ANK1: variants seen among roughly 807,000 people sequenced by gnomAD.
ANK1 encodes the protein ankyrin 1.
Under a neutral mutation model 210.4 loss-of-function variants are expected in ANK1, and 51 were observed. The observed-to-expected ratio is 0.24, with a 90% confidence interval of 0.19 to 0.31. ANK1 has a LOEUF of 0.31. ANK1 is among the 10% of genes least tolerant of loss of function. ANK1 has a pLI of 1.00. For missense variants in ANK1, 2,051 were observed against 2,504.4 expected, an observed-to-expected ratio of 0.82 and a Z score of 3.86; for synonymous variants, 967 against 1,025.9, an observed-to-expected ratio of 0.94 and a Z score of 1.10.
chr8:41,866,762 C>T (rs1174998124), intron 1 of ANK1, among the ~76,000 whole-genome samples: 2 of 152,180 alleles, frequency 1.3e-5, no homozygotes, highest in African/African-American at 4.8e-5. Context: ...CAAGGTTCAC[C>T]CATGTGGCAG....
At chr8:41,688,028 C>A in intron 35 of ANK1, 128 bp downstream of exon 35, 3 of 1,195,522 alleles carry the variant, frequency 2.5e-6, no homozygotes, top group Non-Finnish European at 1.2e-6. Context: ...CCAGCTCAGA[C>A]AATCACAAAT....
intron 24 of ANK1, chr8:41,697,594 G>C: frequency 3.0e-6 from 1 of 332,040 alleles, no homozygotes; most frequent in South Asian, 2.5e-5. Flanking sequence ...GTGCTAACTG[G>C]GTTCATGCGT....
At chr8:41,710,867 G>A (rs374882133) in intron 16 of ANK1, among the ~76,000 whole-genome samples, 4 of 152,256 alleles carry the variant, frequency 2.6e-5, no homozygotes, top group African/African-American at 9.6e-5. Flanking sequence ...CCTGGGTACA[G>A]GGAAAGCTCA....
chr8:41,816,727 G>T (rs1482872961), intron 1 of ANK1, among the ~76,000 whole-genome samples: 2 of 152,190 alleles, frequency 1.3e-5, no homozygotes, highest in Admixed American at 6.5e-5. Context: ...ACCAGGTCTG[G>T]CCAATAATAT....
intron 37 of ANK1, among the ~76,000 whole-genome samples, chr8:41,677,465 C>T (rs150596789): frequency 7.7e-4 from 117 of 152,092 alleles, no homozygotes; most frequent in African/African-American, 2.5e-3. Flanking sequence ...TTTGAAGTTA[C>T]GTGTGCTAGG....
At chr8:41,703,968 G>A (rs1586265244) in intron 20 of ANK1, 73 bp downstream of exon 20, 7 of 1,392,660 alleles carry the variant, frequency 5.0e-6, no homozygotes, top group East Asian at 2.3e-5. Context: ...TAACCTCTAC[G>A]GTTAGGGGAG....
At chr8:41,743,181 G>C (rs1723002489) in intron 2 of ANK1, among the ~76,000 whole-genome samples, 1 of 152,042 alleles carries the variant, frequency 6.6e-6, no homozygotes. Flanking sequence ...GCCTAAACTG[G>C]GGTTACAGAG....
intron 1 of ANK1, among the ~76,000 whole-genome samples, chr8:41,761,494 G>A (rs1403931042): frequency 6.6e-6 from 1 of 152,230 alleles, no homozygotes; most frequent in Non-Finnish European, 1.5e-5. Flanking sequence ...GAACCTCTGG[G>A]AGGTGGAGGC....
At chr8:41,696,235 G>C in intron 26 of ANK1, 128 bp downstream of exon 26, 1 of 1,042,950 alleles carries the variant, frequency 9.6e-7, no homozygotes, top group Non-Finnish European at 1.5e-6. Context: ...GGACACCTTC[G>C]TGTGTCAGGA....
At chr8:41,773,209 G>A (rs1009829413) in intron 1 of ANK1, among the ~76,000 whole-genome samples, 1 of 152,146 alleles carries the variant, frequency 6.6e-6, no homozygotes, top group Non-Finnish European at 1.5e-5. Flanking sequence ...CCTGGCTGGA[G>A]TAAGGGATGG....
At chr8:41,828,656 A>G (rs1321865294) in intron 1 of ANK1, 1 of 154,072 alleles carries the variant, frequency 6.5e-6, no homozygotes, top group East Asian at 1.9e-4. Flanking sequence ...TGTTAATTTG[A>G]TTGTTCTGGT....
At chr8:41,874,386 G>A (rs1350000247) in intron 1 of ANK1, among the ~76,000 whole-genome samples, 1 of 152,158 alleles carries the variant, frequency 6.6e-6, no homozygotes, top group Non-Finnish European at 1.5e-5. Flanking sequence ...CTGGGCCCAG[G>A]AAAAAGGCAG....
chr8:41,711,601 G>C (rs937072470), intron 16 of ANK1, among the ~76,000 whole-genome samples: 1 of 152,176 alleles, frequency 6.6e-6, no homozygotes, highest in Non-Finnish European at 1.5e-5. Context: ...CTTTTCTGCT[G>C]ATTCCAAACT....
In ANK1 at chr8:41,829,378, C is replaced by G. The variant is rs370855395; in HGVS notation, c.126+66977G>C. The G allele has an allele frequency of 1.5e-4, 23 of 152,344 alleles. No individual in the cohort carries two copies. The East Asian group carries it at 4.1e-3, about 27-fold the overall frequency. 9.4% of individuals were successfully genotyped at this position (152,344 alleles called of 1,614,324 possible). On this transcript the variant is annotated intron_variant, in intron 1 of 42. Transcript: ENST00000265709. ...CTGATGTTTCTCAGGGGGCACATGC[C>G]CATCGCAACCTTATGACCAATCCCA...
chr8:41,723,820 C>T (rs552443183), intron 7 of ANK1, among the ~76,000 whole-genome samples, 187 bp from the exon 8 acceptor site: 15 of 147,036 alleles, frequency 1.0e-4, no homozygotes, highest in South Asian at 2.1e-4. Flanking sequence ...GACGGAGTCT[C>T]GCTCTGTCGC....
At chr8:41,802,144 C>T (rs1480803222), upstream of ANK1, among the ~76,000 whole-genome samples, 3 of 152,178 alleles carry the variant, frequency 2.0e-5, no homozygotes, top group East Asian at 5.8e-4. Flanking sequence ...CACTCACCAC[C>T]ACGCCTGGCT....
chr8:41,745,910 A>G (rs1835997784), intron 2 of ANK1, among the ~76,000 whole-genome samples: 1 of 152,132 alleles, frequency 6.6e-6, no homozygotes, highest in Non-Finnish European at 1.5e-5. Context: ...GTTCTGTAGG[A>G]CAAGGTCTCA....
At chr8:41,776,213 G>C (rs1843998689) in intron 1 of ANK1, among the ~76,000 whole-genome samples, 1 of 152,118 alleles carries the variant, frequency 6.6e-6, no homozygotes, top group Non-Finnish European at 1.5e-5. Context: ...GCTCAGTCTT[G>C]GAAATTTAGG....
chr8:41,692,404 G>A (rs898153282), intron 31 of ANK1, among the ~76,000 whole-genome samples: 8 of 152,208 alleles, frequency 5.3e-5, no homozygotes, highest in African/African-American at 1.9e-4. Flanking sequence ...TTCGGCAAAT[G>A]CCAACTCTTT....
Sources: allele counts gnomAD v4.1 joint callset (sites outside exome capture counted in the v4.1 genomes callset), GRCh38; gene constraint gnomAD v4.1.1; transcripts MANE v1.5; gene names NCBI Gene and HGNC (gene_info 2026-07-23, HGNC 2026-07-21).